CTNNA3: variants seen among roughly 807,000 people sequenced by gnomAD.
The protein encoded by CTNNA3 is catenin alpha 3, also known as catenin alpha-3.
In CTNNA3, 76 loss-of-function variants were observed where a neutral mutation model predicts 95.7. The observed-to-expected ratio is 0.79, with a 90% CI of 0.66 to 0.96. The LOEUF (loss-of-function observed/expected upper bound fraction) is 0.96. CTNNA3 is among the 40% of genes least tolerant of loss of function. The pLI is 0.00. For missense variants in CTNNA3, 1,191 were observed against 1,089.8 expected, an observed-to-expected ratio of 1.09 and a Z score of -1.31; for synonymous variants, 431 against 374.4, an observed-to-expected ratio of 1.15 and a Z score of -1.74.
At chr10:67,209,197 C>T (rs1311564989) in intron 6 of CTNNA3, among the ~76,000 whole-genome samples, 10 of 152,030 alleles carry the variant, frequency 6.6e-5, no homozygotes, top group African/African-American at 1.9e-4. Context: ...TACAGGCACA[C>T]GCCACCGTGT....
intron 7 of CTNNA3, among the ~76,000 whole-genome samples, chr10:67,000,635 G>T (rs1851624322): frequency 6.6e-6 from 1 of 151,740 alleles, no homozygotes; most frequent in Admixed American, 6.6e-5. Flanking sequence ...CAGATCTGCT[G>T]CCTCCTATTA....
chr10:66,100,774 A>G (rs1240682867), intron 14 of CTNNA3, among the ~76,000 whole-genome samples: 2 of 152,222 alleles, frequency 1.3e-5, no homozygotes, highest in Non-Finnish European at 2.9e-5. Context: ...TGAAAATAGT[A>G]GTAATAAGAA....
chr10:67,033,045 C>G (rs1159559741), intron 7 of CTNNA3, among the ~76,000 whole-genome samples: 18 of 152,096 alleles, frequency 1.2e-4, no homozygotes, highest in African/African-American at 4.1e-4. Flanking sequence ...CCTAAAGGAA[C>G]AAAGATAACA....
At chr10:66,180,998 C>G (rs1183167258) in intron 13 of CTNNA3, among the ~76,000 whole-genome samples, 8 of 151,990 alleles carry the variant, frequency 5.3e-5, no homozygotes. Context: ...CCAAATGGAC[C>G]ATTTCTAGTC....
intron 11 of CTNNA3, among the ~76,000 whole-genome samples, chr10:66,467,123 T>C (rs1838949532): frequency 6.6e-6 from 1 of 152,210 alleles, no homozygotes; most frequent in African/African-American, 2.4e-5. Context: ...TCTATAGCAT[T>C]CTTTATCAAC....
intron 11 of CTNNA3, among the ~76,000 whole-genome samples, chr10:66,452,149 T>C (rs1312070366): frequency 1.3e-5 from 2 of 152,218 alleles, no homozygotes; most frequent in African/African-American, 2.4e-5. Context: ...ATTTCTTCTA[T>C]ATTTTTATTT....
intron 11 of CTNNA3, among the ~76,000 whole-genome samples, chr10:66,477,743 C>T (rs2131892099): frequency 6.6e-6 from 1 of 152,084 alleles, no homozygotes. Flanking sequence ...CATCAGGAGG[C>T]CCTTCATATC....
chr10:66,340,676 TAAA>T (rs1189061372), intron 12 of CTNNA3, among the ~76,000 whole-genome samples: 1 of 151,636 alleles, frequency 6.6e-6, no homozygotes, highest in African/African-American at 2.4e-5. Flanking sequence ...GATAGTGTCT[TAAA>T]TAATATCTCA....
chr10:67,384,264 C>T (rs746164656), intron 5 of CTNNA3, among the ~76,000 whole-genome samples: 3 of 152,078 alleles, frequency 2.0e-5, no homozygotes, highest in Non-Finnish European at 4.4e-5. Flanking sequence ...TTTCTAGCAA[C>T]CTACCTGAAA....
chr10:66,237,454 T>C (rs986716138), intron 13 of CTNNA3, among the ~76,000 whole-genome samples: 1 of 150,736 alleles, frequency 6.6e-6, no homozygotes, highest in Non-Finnish European at 1.5e-5. Flanking sequence ...TGGCCCGAAA[T>C]GCTGACTATT....
intron 17 of CTNNA3, among the ~76,000 whole-genome samples, chr10:65,952,365 AAC>A (rs1485398889): frequency 6.6e-6 from 1 of 152,142 alleles, no homozygotes; most frequent in Non-Finnish European, 1.5e-5. Context: ...AACAAAAAGC[AAC>A]ACTCAATAGG....
chr10:66,569,965 G>A (rs1398530960), intron 10 of CTNNA3, among the ~76,000 whole-genome samples: 2 of 152,134 alleles, frequency 1.3e-5, no homozygotes, highest in African/African-American at 4.8e-5. Flanking sequence ...TGAAAGGAGA[G>A]TGAGCATAGG....
At chr10:67,324,421 T>C (rs1841456362) in intron 5 of CTNNA3, among the ~76,000 whole-genome samples, 1 of 152,184 alleles carries the variant, frequency 6.6e-6, no homozygotes, top group Admixed American at 6.5e-5. Flanking sequence ...CTTCAATACC[T>C]AGTTTATTGA....
intron 5 of CTNNA3, among the ~76,000 whole-genome samples, chr10:67,416,680 G>A (rs891112588): frequency 5.9e-5 from 9 of 151,374 alleles, no homozygotes; most frequent in African/African-American, 2.2e-4. Flanking sequence ...AAGATAAGTG[G>A]CCAGTAAACA....
chr10:67,029,507 A>C (rs1162514754), intron 7 of CTNNA3, among the ~76,000 whole-genome samples: 1 of 152,204 alleles, frequency 6.6e-6, no homozygotes, highest in African/African-American at 2.4e-5. Context: ...ACTTGAGTCA[A>C]GTATACACAA....
rs1361815002 is a variant in CTNNA3, at chr10:66,685,325, G to GTGTATA, written c.1282-63542_1282-63541insTATACA. On this transcript the variant is annotated intron_variant, in intron 9 of 17. Coordinates refer to ENST00000433211, the MANE Select transcript of CTNNA3 (RefSeq NM_013266.4). ...TATATATATGTGTGTGTGTATGTGT[G>GTGTATA]TATATATATATATATATATATATAT... Among the ~76,000 whole-genome samples, 15 of 30,006 alleles carry GTGTATA rather than the reference G, an allele frequency of 5.0e-4. 1 individual carries two copies. The highest frequency in any genetic ancestry group is 2.1e-3 in the African/African-American group (15 of 6,986). The allele number at this position is 30,006 out of a possible 152,430, so 19.7% of individuals were successfully genotyped here.
chr10:66,565,576 GA>G (rs1196293416), intron 10 of CTNNA3, among the ~76,000 whole-genome samples: 1 of 152,168 alleles, frequency 6.6e-6, no homozygotes, highest in African/African-American at 2.4e-5. Context: ...ACCTGAGGCA[GA>G]GGGTGAGGAA....
intron 2 of CTNNA3, 42 bp from the exon 3 acceptor site, chr10:67,607,091 A>G: frequency 6.9e-7 from 1 of 1,458,102 alleles, no homozygotes; most frequent in East Asian, 2.3e-5. Context: ...GACAAATTGT[A>G]AGGAGAACAC....
At position 66,001,130 on chromosome 10, in the gene CTNNA3, A is replaced by T. The variant is rs184515229; in HGVS notation, c.2160-12333T>A. Among the ~76,000 whole-genome samples, 428 of 151,900 alleles carry T rather than the reference A, an allele frequency of 2.8e-3. 2 individuals are homozygous for T. The highest frequency in any genetic ancestry group is 4.0e-3 in the Non-Finnish European group (273 of 67,894). ...AAATCTCTGTCCCAGTAAAATAAAA[A>T]ATATATATATATACTACATTGCATA... is the stretch of plus-strand genomic sequence containing the variant. On this transcript the variant is annotated intron_variant, in intron 15 of 17. Transcript: ENST00000433211.
Sources: allele counts gnomAD v4.1 joint callset (sites outside exome capture counted in the v4.1 genomes callset), GRCh38; gene constraint gnomAD v4.1.1; transcripts MANE v1.5; gene names NCBI Gene and HGNC (gene_info 2026-07-23, HGNC 2026-07-21).